The following RBFOX1 variants were observed in gnomAD, a reference collection of about 807,000 sequenced individuals.
RBFOX1 encodes RNA binding fox-1 homolog 1.
In RBFOX1, 8 loss-of-function variants were observed where a neutral mutation model predicts 57.7. The ratio of observed to expected loss-of-function variants is 0.14; its 90% CI spans 0.08 to 0.25. The LOEUF is 0.25. Ranked by LOEUF, RBFOX1 falls within the 10% of genes least tolerant of loss-of-function variation. The probability of loss-of-function intolerance (pLI) is 1.00; values close to 1 mark genes in which losing one functional copy is unlikely to be tolerated. For missense variants in RBFOX1, 611 were observed against 548.5 expected, an observed-to-expected ratio of 1.11 and a Z score of -1.14; for synonymous variants, 326 against 222.4, an observed-to-expected ratio of 1.47 and a Z score of -4.15.
intron 4 of RBFOX1, among the ~76,000 whole-genome samples, chr16:7,442,987 C>T (rs532442041): frequency 9.2e-5 from 14 of 152,298 alleles, no homozygotes; most frequent in African/African-American, 3.1e-4. Context: ...TCCCATAGTG[C>T]ACTGGGAAGG....
chr16:5,444,108 A>G (rs2068170023), intron 1 of RBFOX1, among the ~76,000 whole-genome samples: 2 of 66,018 alleles, frequency 3.0e-5, no homozygotes, highest in Non-Finnish European at 2.8e-5. Flanking sequence ...ACACTGAGGC[A>G]TTTGAAACTC....
chr16:7,352,153 T>C (rs2097140524), intron 4 of RBFOX1, among the ~76,000 whole-genome samples: 1 of 152,204 alleles, frequency 6.6e-6, no homozygotes, highest in African/African-American at 2.4e-5. Flanking sequence ...AAAGGATCTC[T>C]GCTCCAGATA....
At chr16:6,053,685 G>A (rs536588333) in intron 1 of RBFOX1, among the ~76,000 whole-genome samples, 13 of 152,136 alleles carry the variant, frequency 8.5e-5, no homozygotes, top group South Asian at 4.2e-4. Flanking sequence ...CTTTCCCTAC[G>A]TACATAAGAG....
rs146433216 is a variant in RBFOX1, at chr16:5,932,387, C to T, written c.351+65052C>T. On this transcript the variant is annotated intron_variant, in intron 4 of 19. Coordinates refer to the RBFOX1 transcript ENST00000641259. ...TCAAGGAACTGCATTTTTCCAACAA[C>T]GGGAATGAATATTGAGGCAGATTTT... 6.6e-5 allele frequency among the ~76,000 whole-genome samples: 10 copies of T among 152,230 alleles called. No homozygotes were observed. In the East Asian group the frequency reaches 7.7e-4, roughly 12 times the overall value.
intron 3 of RBFOX1, among the ~76,000 whole-genome samples, chr16:7,038,697 G>A (rs938805132): frequency 2.0e-5 from 3 of 152,166 alleles, no homozygotes; most frequent in Non-Finnish European, 4.4e-5. Flanking sequence ...GAAAGCAGAT[G>A]TGGGAGGCCG....
intron 3 of RBFOX1, among the ~76,000 whole-genome samples, chr16:6,831,169 A>G (rs1264886070): frequency 6.6e-6 from 1 of 152,164 alleles, no homozygotes; most frequent in South Asian, 2.1e-4. Context: ...TTTCATTAGC[A>G]TATTTGGAGG....
chr16:7,552,585 C>T (rs941320668), intron 5 of RBFOX1, among the ~76,000 whole-genome samples: 1 of 152,172 alleles, frequency 6.6e-6, no homozygotes, highest in South Asian at 2.1e-4. Flanking sequence ...GCGGCAGAAG[C>T]AAAAACAAGA....
At chr16:7,302,996 C>T (rs1042755114) in intron 4 of RBFOX1, among the ~76,000 whole-genome samples, 4 of 152,320 alleles carry the variant, frequency 2.6e-5, no homozygotes, top group South Asian at 4.1e-4. Context: ...CTGCAGCCGA[C>T]GGAGTAATCT....
chr16:6,940,199 A>AAAATAAAT (rs751398033), intron 3 of RBFOX1, among the ~76,000 whole-genome samples: 1 of 141,728 alleles, frequency 7.1e-6, no homozygotes, highest in African/African-American at 2.5e-5. Flanking sequence ...CTCAAAAATA[A>AAAATAAAT]AAATAAATAA....
chr16:7,458,603 A>G (rs1216412624), intron 4 of RBFOX1, among the ~76,000 whole-genome samples: 1 of 152,176 alleles, frequency 6.6e-6, no homozygotes, highest in Non-Finnish European at 1.5e-5. Flanking sequence ...GCCCCTTTGC[A>G]AGCCCTTGAA....
rs138009796 is a variant in RBFOX1 at position 5,551,594 on chromosome 16, C to T, written c.259-47308C>T. Among the ~76,000 whole-genome samples, 1,339 of 152,278 alleles carry T rather than the reference C, an allele frequency of 8.8e-3. 10 individuals are homozygous for T. Among genetic ancestry groups the T allele is most frequent in the Non-Finnish European group, 0.015 (1,003 of 68,022 alleles). On this transcript the variant is annotated intron_variant, in intron 2 of 2. Transcript: ENST00000585867. ...GTTCTCTAGCAGCTTGCTTTCAGCA[C>T]GGTGATTCGGTGTGTGTCCCCTGGG...
At chr16:7,633,045 G>C (rs1300830978) in intron 11 of RBFOX1, among the ~76,000 whole-genome samples, 4 of 152,092 alleles carry the variant, frequency 2.6e-5, no homozygotes, top group Non-Finnish European at 5.9e-5. Flanking sequence ...ACCATCTAAA[G>C]CGAGGGCCAC....
chr16:6,949,510 G>T (rs2080251793), intron 3 of RBFOX1, among the ~76,000 whole-genome samples: 1 of 152,192 alleles, frequency 6.6e-6, no homozygotes, highest in Non-Finnish European at 1.5e-5. Flanking sequence ...CATTGGCAGG[G>T]TCTGTTTCTT....
At chr16:5,417,835 C>A (rs923408518) in intron 1 of RBFOX1, among the ~76,000 whole-genome samples, 10 of 152,172 alleles carry the variant, frequency 6.6e-5, no homozygotes, top group Non-Finnish European at 1.2e-4. Context: ...AATCCCAGCA[C>A]TTTGAGAGGC....
At chr16:7,589,432 G>A (rs1195518597) in intron 7 of RBFOX1, among the ~76,000 whole-genome samples, 1 of 152,050 alleles carries the variant, frequency 6.6e-6, no homozygotes, top group Non-Finnish European at 1.5e-5. Flanking sequence ...GCCTGTCTCT[G>A]GGGGCTTCAG....
chr16:7,702,559 T>G (rs904769753), intron 14 of RBFOX1, among the ~76,000 whole-genome samples: 2 of 152,200 alleles, frequency 1.3e-5, no homozygotes, highest in Admixed American at 6.5e-5. Flanking sequence ...TTATTTCTAG[T>G]TGGATGAGAG....
chr16:7,690,504 C>T (rs1018960982), intron 14 of RBFOX1, among the ~76,000 whole-genome samples: 4 of 152,034 alleles, frequency 2.6e-5, no homozygotes, highest in Non-Finnish European at 4.4e-5. Context: ...AGGAACAGAC[C>T]AGTTTGTGGA....
intron 2 of RBFOX1, among the ~76,000 whole-genome samples, chr16:6,546,586 T>C (rs1456576444): frequency 6.6e-6 from 1 of 152,180 alleles, no homozygotes; most frequent in Non-Finnish European, 1.5e-5. Context: ...CACATCATCT[T>C]CCTTCTGTCT....
chr16:7,034,848 CTTTTTT>C (rs58405378), intron 3 of RBFOX1, among the ~76,000 whole-genome samples: 1 of 30,830 alleles, frequency 3.2e-5, no homozygotes, highest in Non-Finnish European at 5.2e-5. Flanking sequence ...TTTCTTTTTT[CTTTTTT>C]TTTTTTTTTT....
Sources: gnomAD v4.1 joint callset for allele counts (sites outside exome capture counted in the v4.1 genomes callset) on GRCh38, gnomAD v4.1.1 for gene constraint, MANE v1.5 for transcripts, NCBI Gene and HGNC (gene_info 2026-07-23, HGNC 2026-07-21) for gene names.